The following ANKDD1A variants were observed in gnomAD, a reference collection of about 807,000 sequenced individuals.
ANKDD1A encodes the protein ankyrin repeat and death domain containing 1A.
ANKDD1A carries 59 observed loss-of-function variants against 63.5 expected under a neutral mutation model. The observed-to-expected ratio is 0.93, with a 90% CI of 0.75 to 1.15. The LOEUF (loss-of-function observed/expected upper bound fraction) is 1.15, where lower values mean the gene tolerates loss of function less well. Among genes scored for constraint, ANKDD1A ranks in the 50% most tolerant of loss-of-function variants. The probability of loss-of-function intolerance (pLI) is 0.00; values close to 1 mark genes in which losing one functional copy is unlikely to be tolerated. For synonymous variants in ANKDD1A, 266 were observed against 263.9 expected, an observed-to-expected ratio of 1.01 and a Z score of -0.08; for missense variants, 632 against 656.4, an observed-to-expected ratio of 0.96 and a Z score of 0.41.
At chr15:64,951,424 TTTCTTC>T (rs1555366894) in intron 14 of ANKDD1A, 2 of 139,806 alleles carry the variant, frequency 1.4e-5, no homozygotes, top group African/African-American at 6.7e-5. Flanking sequence ...TTCTTCCTCT[TTTCTTC>T]TTTTTCTTTC....
rs772541476 is a variant in ANKDD1A, at chr15:64,947,357, T to G, written c.1162-47T>G. 4 of 1,586,592 alleles carry G rather than the reference T, an allele frequency of 2.5e-6. No individual in the cohort carries two copies. The South Asian group carries it at 4.6e-5, about 18-fold the overall frequency. On this transcript the variant is annotated intron_variant, in intron 12 of 14. Transcript: ENST00000319580. ...GCCTCGGCTCGGCACTGCCCCTGTC[T>G]GGGATCATGAGGGAGAGCTTCTGCA...
chr15:64,953,776 C>CTT (rs769701862), intron 14 of ANKDD1A, among the ~76,000 whole-genome samples: 9 of 21,436 alleles, frequency 4.2e-4, no homozygotes, highest in Non-Finnish European at 3.1e-3. Flanking sequence ...CCTCTTCCCT[C>CTT]TTTTCTTTCT....
At chr15:64,941,218 A>G (rs1163003114) in intron 9 of ANKDD1A, among the ~76,000 whole-genome samples, 2 of 152,226 alleles carry the variant, frequency 1.3e-5, no homozygotes, top group Non-Finnish European at 2.9e-5. Context: ...AGCATTCAAT[A>G]CAAGAATGCT....
At chr15:64,943,215 C>T (rs2085197901) in intron 10 of ANKDD1A, 2 of 376,200 alleles carry the variant, frequency 5.3e-6, no homozygotes, top group African/African-American at 2.1e-5. Flanking sequence ...AATTATGGCA[C>T]AGACAAAAAT....
chr15:64,941,533 A>G (rs1595854403), intron 9 of ANKDD1A, among the ~76,000 whole-genome samples: 1 of 152,138 alleles, frequency 6.6e-6, no homozygotes, highest in Non-Finnish European at 1.5e-5. Flanking sequence ...TTTTTGTTCA[A>G]ATCTTCTTTT....
chr15:64,945,607 C>CTTTATATATATAT (rs1277861527), intron 12 of ANKDD1A, among the ~76,000 whole-genome samples: 1 of 73,852 alleles, frequency 1.4e-5, no homozygotes, highest in African/African-American at 6.2e-5. Context: ...GCATTTTCAA[C>CTTTATATATATAT]ATATATATAT....
At chr15:64,945,607 C>CATATATATATATATATATAT (rs61390435) in intron 12 of ANKDD1A, among the ~76,000 whole-genome samples, 6,420 of 71,606 alleles carry the variant, frequency 0.09, 867 homozygotes, top group East Asian at 0.15. Flanking sequence ...GCATTTTCAA[C>CATATATATATATATATATAT]ATATATATAT....
intron 9 of ANKDD1A, among the ~76,000 whole-genome samples, chr15:64,941,522 T>C (rs1378109475): frequency 6.6e-6 from 1 of 152,212 alleles, no homozygotes; most frequent in Non-Finnish European, 1.5e-5. Context: ...CTACAAATAA[T>C]TTTTTGTTCA....
intron 9 of ANKDD1A, among the ~76,000 whole-genome samples, chr15:64,935,225 CAAA>C (rs1243053667): frequency 1.6e-4 from 16 of 98,700 alleles, no homozygotes; most frequent in Non-Finnish European, 2.1e-4. Context: ...GACTCTGTCT[CAAA>C]AAAAAAAAAA....
At chr15:64,944,366 G>C (rs1450414615) in intron 11 of ANKDD1A, among the ~76,000 whole-genome samples, 5 of 152,240 alleles carry the variant, frequency 3.3e-5, no homozygotes, top group Non-Finnish European at 7.3e-5. Flanking sequence ...TTTCACAGGA[G>C]ATGTTGAAGA....
chr15:64,951,720 C>CGTTCTTTTCTTTTCTTTTTCTTT (rs1276132353), intron 14 of ANKDD1A, among the ~76,000 whole-genome samples: 1 of 136,252 alleles, frequency 7.3e-6, no homozygotes, highest in Non-Finnish European at 1.6e-5. Flanking sequence ...TCTTTTTCTT[C>CGTTCTTTTCTTTTCTTTTTCTTT]CCTTTTCTTC....
Position 64,926,964 on chromosome 15 carries a change from G to C in ANKDD1A, c.535G>C (p.Val179Leu), listed in dbSNP as rs139437993. Residue 179 changes from valine to leucine, a missense_variant, in exon 6 of 15, where the codon GTG (valine) becomes CTG (leucine). Transcript: ENST00000319580. ...GCAGCTGGATGCTCTGGACTTCCTC[G>C]TGGGCTCTGGCTGTGACCACAATGT... ...HGQLDALDFL[V>L]GSGCDHNVKD... 2 of 1,614,192 alleles carry C rather than the reference G, an allele frequency of 1.2e-6. No individual in the cohort carries two copies. Among genetic ancestry groups the C allele is most frequent in the Non-Finnish European group, 8.5e-7 (1 of 1,180,032 alleles).
intron 1 of ANKDD1A, among the ~76,000 whole-genome samples, chr15:64,912,576 C>T (rs1338468965): frequency 1.3e-5 from 2 of 152,330 alleles, no homozygotes; most frequent in East Asian, 1.9e-4. Flanking sequence ...GGCCTCTAGG[C>T]CGGGCAGCAG....
chr15:64,945,133 C>T lies in ANKDD1A; in HGVS notation c.1161+386C>T, dbSNP rs1179623925. ...GCTATGCTCAGGCAACTTTCTGAGCCAGAAGTAAGTGTGTTGCAATTCATT... is the reference window on the plus strand; with the variant it reads ...GCTATGCTCAGGCAACTTTCTGAGCTAGAAGTAAGTGTGTTGCAATTCATT... On this transcript the variant is annotated intron_variant, in intron 12 of 14. Transcript: ENST00000319580. Among the ~76,000 whole-genome samples the T allele has an allele frequency of 2.6e-5, 4 of 152,084 alleles. No individual in the cohort carries two copies. The East Asian group carries it at 5.8e-4, about 22-fold the overall frequency.
At chr15:64,952,980 CTCTCCTTCT>C (rs1004026616) in intron 14 of ANKDD1A, among the ~76,000 whole-genome samples, 2 of 64,526 alleles carry the variant, frequency 3.1e-5, no homozygotes, top group African/African-American at 1.0e-4. Context: ...TTCTTCTTGT[CTCTCCTTCT>C]TCTCCTTCTT....
At chr15:64,954,218 C>CT (rs773648849) in intron 14 of ANKDD1A, among the ~76,000 whole-genome samples, 47,892 of 135,918 alleles carry the variant, frequency 0.35, 8,907 homozygotes, top group South Asian at 0.61. Context: ...TTTTCTTCTT[C>CT]TTCTTCTTCC....
In ANKDD1A at chr15:64,926,076, C is replaced by A. The variant is rs1298499756; in HGVS notation, c.377C>A (p.Thr126Asn). 3.7e-6 allele frequency: 6 copies of A among 1,613,472 alleles called. No homozygotes were observed. The highest frequency in any genetic ancestry group is 5.1e-6 in the Non-Finnish European group (6 of 1,179,826). ...KIHCESKDGLTLLHCAAQKGH... is the reference protein window; with the variant it reads ...KIHCESKDGLNLLHCAAQKGH... ...TGCACTTGTTTCCAGGATGGCCTGA[C>A]CTTACTGCACTGCGCAGCCCAAAAA... Residue 126 changes from threonine (T) to asparagine (N), a missense_variant, in exon 5 of 15, where the codon ACC becomes AAC. Physicochemically the swap from Thr to Asn is moderately conservative, Grantham distance 65. Transcript: ENST00000319580.
chr15:64,944,602 G>A, intron 11 of ANKDD1A, 50 bp from the exon 12 acceptor site: 4 of 1,556,428 alleles, frequency 2.6e-6, no homozygotes, highest in Non-Finnish European at 3.5e-6. Context: ...AAACCCTTGT[G>A]TACCCCTCCT....
At chr15:64,951,691 C>CTTTTTCTTTTCTTTT (rs1218099535) in intron 14 of ANKDD1A, among the ~76,000 whole-genome samples, 41 of 117,518 alleles carry the variant, frequency 3.5e-4, no homozygotes, top group Non-Finnish European at 4.7e-4. Context: ...TTTCTTCTTC[C>CTTTTTCTTTTCTTTT]TCTTCTTCTT....
Sources: allele counts gnomAD v4.1 joint callset (sites outside exome capture counted in the v4.1 genomes callset), GRCh38; gene constraint gnomAD v4.1.1; transcripts MANE v1.5; gene names NCBI Gene and HGNC (gene_info 2026-07-23, HGNC 2026-07-21).